Variants in GRM5 observed in about 807,000 individuals in gnomAD.
The protein encoded by GRM5 is glutamate metabotropic receptor 5, also known as metabotropic glutamate receptor 5.
GRM5 carries 19 observed loss-of-function variants against 83.1 expected under a neutral mutation model. The ratio of observed to expected loss-of-function variants is 0.23; its 90% CI spans 0.16 to 0.34. The LOEUF (loss-of-function observed/expected upper bound fraction) is 0.34. Among genes scored for constraint, GRM5 ranks in the 10% least tolerant of loss-of-function variants. The pLI is 1.00. For missense variants in GRM5, 1,160 were observed against 1,588.3 expected (o/e 0.73, Z 4.58); for synonymous variants, 675 against 633.6 (o/e 1.07, Z -0.98).
intron 6 of GRM5, among the ~76,000 whole-genome samples, chr11:88,595,735 T>C (rs1565353181): frequency 6.6e-6 from 1 of 152,172 alleles, no homozygotes; most frequent in Non-Finnish European, 1.5e-5. Context: ...TCCCTCATTG[T>C]TCCTCTTCTT....
In GRM5 at chr11:88,987,276, C is replaced by T. The variant is rs188811871; in HGVS notation, c.661+59936G>A. On this transcript the variant is annotated intron_variant, in intron 2 of 9. Coordinates refer to ENST00000305447, the MANE Select transcript of GRM5 (RefSeq NM_001143831.3). ...CGGCACCTGGAAAATCGGGTCACTCCCACCCAAATACTGCGCTTTTCCGAC... is the reference window on the plus strand; with the variant it reads ...CGGCACCTGGAAAATCGGGTCACTCTCACCCAAATACTGCGCTTTTCCGAC... Among the ~76,000 whole-genome samples the T allele has an allele frequency of 7.0e-3, 1,071 of 152,216 alleles. 14 individuals are homozygous for T. The highest frequency in any genetic ancestry group is 0.023 in the African/African-American group (949 of 41,538).
intron 4 of GRM5, among the ~76,000 whole-genome samples, chr11:88,614,084 A>G (rs1165228722): frequency 6.6e-6 from 1 of 152,102 alleles, no homozygotes; most frequent in Non-Finnish European, 1.5e-5. Context: ...CCTCCCAACC[A>G]CTATCAGAGT....
intron 8 of GRM5, among the ~76,000 whole-genome samples, chr11:88,529,220 A>G (rs968850131): frequency 1.3e-5 from 2 of 151,902 alleles, no homozygotes; most frequent in African/African-American, 2.4e-5. Context: ...TAAGGAGCAT[A>G]TGGGTGATTA....
intron 2 of GRM5, among the ~76,000 whole-genome samples, chr11:88,932,699 T>C (rs903026393): frequency 6.7e-6 from 1 of 150,162 alleles, no homozygotes; most frequent in Non-Finnish European, 1.5e-5. Context: ...TTAAAAATCA[T>C]TTTTTATGAA....
chr11:88,676,019 G>A lies in GRM5; in HGVS notation c.912-22616C>T, dbSNP rs78347296. Among the ~76,000 whole-genome samples the A allele has an allele frequency of 3.6e-3, 544 of 152,072 alleles. 2 individuals carry two copies. The highest frequency in any genetic ancestry group is 6.1e-3 in the Non-Finnish European group (415 of 67,916). On this transcript the variant is annotated intron_variant, in intron 3 of 9. Coordinates refer to ENST00000305447, the MANE Select transcript of GRM5 (RefSeq NM_001143831.3). The stretch of plus-strand genomic sequence containing the variant: ...GCAGCTCTGGTTCCATGAACTCTTG[G>A]ATAAAAACCCTAAGGCTAGTTATAA...
At chr11:88,604,327 A>G (rs1938081425) in intron 5 of GRM5, among the ~76,000 whole-genome samples, 1 of 152,204 alleles carries the variant, frequency 6.6e-6, no homozygotes, top group Non-Finnish European at 1.5e-5. Context: ...CTATTTCTGG[A>G]TTACCAGAAA....
chr11:88,786,127 G>C (rs554336806), intron 3 of GRM5, among the ~76,000 whole-genome samples: 19 of 152,224 alleles, frequency 1.2e-4, no homozygotes, highest in African/African-American at 4.6e-4. Flanking sequence ...CTAGTACAAA[G>C]AGAATTGTGA....
intron 1 of GRM5, among the ~76,000 whole-genome samples, chr11:89,058,453 A>C (rs909900375): frequency 6.6e-6 from 1 of 152,156 alleles, no homozygotes; most frequent in African/African-American, 2.4e-5. Flanking sequence ...AGTCACTTCC[A>C]GTTGAAAAAC....
chr11:88,931,381 T>C (rs186138512), intron 2 of GRM5, among the ~76,000 whole-genome samples: 89 of 151,738 alleles, frequency 5.9e-4, no homozygotes, highest in African/African-American at 1.8e-3. Flanking sequence ...TATTAACACC[T>C]AACCATGCAA....
intron 3 of GRM5, among the ~76,000 whole-genome samples, chr11:88,755,149 T>A (rs888936798): frequency 6.6e-6 from 1 of 152,184 alleles, no homozygotes; most frequent in Admixed American, 6.6e-5. Flanking sequence ...TGTATTTAGA[T>A]GTTTCAATAA....
intron 2 of GRM5, among the ~76,000 whole-genome samples, chr11:88,965,941 G>T (rs941939808): frequency 6.6e-6 from 1 of 152,094 alleles, no homozygotes; most frequent in Non-Finnish European, 1.5e-5. Flanking sequence ...AAGAACAGCA[G>T]AATATGCATT....
chr11:89,014,598 G>T (rs1405297532), intron 2 of GRM5, among the ~76,000 whole-genome samples: 1 of 152,096 alleles, frequency 6.6e-6, no homozygotes, highest in African/African-American at 2.4e-5. Flanking sequence ...GAATGAATAA[G>T]ACCTACTATT....
chr11:88,523,105 T>G (rs1941750297), intron 9 of GRM5: 1 of 152,210 alleles, frequency 6.6e-6, no homozygotes, highest in East Asian at 1.9e-4. Context: ...GACTAAACAC[T>G]GCTAAGAGCA....
intron 3 of GRM5, among the ~76,000 whole-genome samples, chr11:88,741,721 A>G (rs1024787292): frequency 6.6e-6 from 1 of 152,010 alleles, no homozygotes; most frequent in Non-Finnish European, 1.5e-5. Context: ...AATCTATACT[A>G]TCAAGTAATT....
intron 4 of GRM5, among the ~76,000 whole-genome samples, chr11:88,622,627 C>G (rs1281233622): frequency 6.6e-6 from 1 of 152,158 alleles, no homozygotes; most frequent in Admixed American, 6.5e-5. Flanking sequence ...AGACACCTGC[C>G]TTCTGACATC....
intron 9 of GRM5, among the ~76,000 whole-genome samples, chr11:88,520,187 G>A (rs1339918035): frequency 2.6e-5 from 4 of 152,264 alleles, no homozygotes; most frequent in Middle Eastern, 6.8e-3. Flanking sequence ...TTAGTATAGT[G>A]TGGGATACAT....
intron 2 of GRM5, among the ~76,000 whole-genome samples, chr11:88,864,078 GT>G (rs1944616044): frequency 6.7e-6 from 1 of 148,518 alleles, no homozygotes; most frequent in African/African-American, 2.5e-5. Context: ...TAATTTAAAT[GT>G]GACCCTGCAG....
In GRM5 at chr11:88,567,373, C is replaced by T. The variant is rs1444772019; in HGVS notation, c.2310G>A (p.Glu770=). 6.2e-7 allele frequency: 1 copy of T among 1,614,102 alleles called. No homozygotes were observed. The highest frequency in any genetic ancestry group is 1.7e-5 in the Admixed American group (1 of 60,010). The stretch of plus-strand genomic sequence containing the variant: ...ACATTGTGAAGGCGATATACTTGGC[C>T]TCGTTGAAGTTAGCTGGAACATTTC... ...KTRNVPANFN[E]AKYIAFTMYT... Residue 770 remains glutamate (E), a synonymous_variant, in exon 8 of 10, where the codon GAG becomes GAA. Coordinates refer to ENST00000305447, the MANE Select transcript of GRM5 (RefSeq NM_001143831.3). This position sits in a 1 kb window ranked among gnomAD's most constrained non-coding sequence, Gnocchi z 7.3.
intron 9 of GRM5, among the ~76,000 whole-genome samples, chr11:88,516,080 C>T (rs1257266766): frequency 1.3e-5 from 2 of 152,210 alleles, no homozygotes; most frequent in Admixed American, 6.5e-5. Context: ...AAACCTAGAG[C>T]ATTGCAAGGG....
Sources: gnomAD v4.1 joint callset for allele counts (sites outside exome capture counted in the v4.1 genomes callset) on GRCh38, gnomAD v4.1.1 for gene constraint, Gnocchi (gnomAD v3.1) non-coding constraint, MANE v1.5 for transcripts, NCBI Gene and HGNC (gene_info 2026-07-23, HGNC 2026-07-21) for gene names.